Variants in UQCC1 observed in about 807,000 individuals in gnomAD.
The protein encoded by UQCC1 is bFGF-repressed Zic-binding protein.
UQCC1 carries 38 observed loss-of-function variants against 48.0 expected under a neutral mutation model. The observed-to-expected ratio is 0.79, with a 90% confidence interval of 0.61 to 1.04. UQCC1 has a LOEUF of 1.04. UQCC1 is among the 50% of genes least tolerant of loss of function. The probability of loss-of-function intolerance (pLI) is 0.00; values close to 1 mark genes in which losing one functional copy is unlikely to be tolerated. For missense variants in UQCC1, 368 were observed against 381.8 expected, an observed-to-expected ratio of 0.96 and a Z score of 0.30; for synonymous variants, 111 against 129.2, an observed-to-expected ratio of 0.86 and a Z score of 0.95.
In UQCC1 at chr20:35,303,580, G is replaced by A. The variant is rs905760891; in HGVS notation, c.*355C>T. 1.3e-5 allele frequency: 3 copies of A among 232,804 alleles called. No homozygotes were observed. Among genetic ancestry groups the A allele is most frequent in the African/African-American group, 6.6e-5 (3 of 45,682 alleles). 14.4% of individuals were successfully genotyped at this position (232,804 alleles called of 1,614,324 possible). A position where few individuals can be genotyped will look rare whatever the true frequency, so the allele number is the denominator to read the frequency against. The stretch of plus-strand genomic sequence containing the variant: ...TGCTCCTAGGCCACAGCAGGCCCTG[G>A]GGGGTTTCCCTTTTGAACCTACACC... On this transcript the variant is annotated 3_prime_UTR_variant, in exon 10 of 10. Coordinates refer to ENST00000374385, the MANE Select transcript of UQCC1 (RefSeq NM_018244.5).
At chr20:35,410,945 T>G (rs979817360) in intron 1 of UQCC1, among the ~76,000 whole-genome samples, 1 of 151,846 alleles carries the variant, frequency 6.6e-6, no homozygotes, top group African/African-American at 2.4e-5. Context: ...GGTACCTCAC[T>G]CTGCTAGGCT....
intron 7 of UQCC1, among the ~76,000 whole-genome samples, chr20:35,338,884 A>ATATATATATATATAT (rs1568666124): frequency 5.1e-5 from 3 of 59,272 alleles, no homozygotes; most frequent in East Asian, 2.8e-4. Flanking sequence ...AAAAAAAAAA[A>ATATATATATATATAT]AAAAAAAAAT....
At chr20:35,311,125 A>G (rs1240855262) in intron 8 of UQCC1, among the ~76,000 whole-genome samples, 3 of 152,094 alleles carry the variant, frequency 2.0e-5, no homozygotes, top group African/African-American at 7.2e-5. Context: ...TCAACCCCTC[A>G]TTGTTAGGTA....
At chr20:35,391,288 A>G (rs1212605953) in intron 2 of UQCC1, among the ~76,000 whole-genome samples, 1 of 152,212 alleles carries the variant, frequency 6.6e-6, no homozygotes, top group African/African-American at 2.4e-5. Flanking sequence ...ATAACTGACT[A>G]GTACTCTTCA....
At chr20:35,398,373 A>G (rs2062111815) in intron 1 of UQCC1, among the ~76,000 whole-genome samples, 1 of 152,194 alleles carries the variant, frequency 6.6e-6, no homozygotes, top group African/African-American at 2.4e-5. Context: ...AAATTAACAA[A>G]TGTACCTTGC....
At position 35,378,456 on chromosome 20, in the gene UQCC1, C is replaced by T. The variant is rs543928957; in HGVS notation, c.333+3462G>A. 5.3e-5 allele frequency among the ~76,000 whole-genome samples: 8 copies of T among 152,058 alleles called. No individual in the cohort carries two copies. In the East Asian group the frequency reaches 1.4e-3, roughly 26 times the overall value. ...ACCAGGGTGGCCAGTATGATGAAACCTCATCTCTACTAAAAATACAAAAAT... is the reference window on the plus strand; with the variant it reads ...ACCAGGGTGGCCAGTATGATGAAACTTCATCTCTACTAAAAATACAAAAAT... On this transcript the variant is annotated intron_variant, in intron 4 of 9. Coordinates refer to ENST00000374385, the MANE Select transcript of UQCC1 (RefSeq NM_018244.5).
chr20:35,381,331 A>C (rs980052892), intron 4 of UQCC1, among the ~76,000 whole-genome samples: 1 of 152,194 alleles, frequency 6.6e-6, no homozygotes, highest in African/African-American at 2.4e-5. Context: ...GAATGTTGCC[A>C]ATCAGAACAT....
In UQCC1 at chr20:35,318,474, C is replaced by T. The variant is rs149598629; in HGVS notation, c.574-3709G>A. On this transcript the variant is annotated intron_variant, in intron 7 of 9. Transcript: ENST00000374385. Reference sequence around the variant, plus strand: ...ACACATTTTCTCCTCTTGGGATACACCTGCATTCTGGTTGGCTACTGCCCA... The same window carrying T: ...ACACATTTTCTCCTCTTGGGATACATCTGCATTCTGGTTGGCTACTGCCCA... Among the ~76,000 whole-genome samples the T allele has an allele frequency of 7.2e-5, 11 of 152,336 alleles. No individual in the cohort carries two copies. In the East Asian group the frequency reaches 2.1e-3, roughly 29 times the overall value.
chr20:35,386,229 CA>C (rs751779736), intron 2 of UQCC1: 44,267 of 294,066 alleles, frequency 0.15, 42 homozygotes, highest in South Asian at 0.25. Context: ...ATAATTCTGG[CA>C]AAAAAAAAAA....
At chr20:35,324,039 G>A (rs969245577) in intron 7 of UQCC1, among the ~76,000 whole-genome samples, 3 of 152,216 alleles carry the variant, frequency 2.0e-5, no homozygotes, top group African/African-American at 7.2e-5. Flanking sequence ...AGAACTGCTT[G>A]AGGCCAAGAA....
intron 8 of UQCC1, among the ~76,000 whole-genome samples, chr20:35,310,779 A>C (rs1600852021): frequency 7.9e-5 from 9 of 113,806 alleles, no homozygotes; most frequent in African/African-American, 1.4e-4. Context: ...TGCAAGCTCC[A>C]CCTCCTGGGT....
At chr20:35,357,287 G>GTAACCCC (rs1404933310) in intron 6 of UQCC1, among the ~76,000 whole-genome samples, 4 of 152,198 alleles carry the variant, frequency 2.6e-5, no homozygotes, top group Non-Finnish European at 5.9e-5. Context: ...TTGGGAGGCT[G>GTAACCCC]AGGCAGGCAG....
intron 7 of UQCC1, among the ~76,000 whole-genome samples, chr20:35,341,372 G>T (rs2061377080): frequency 6.6e-6 from 1 of 152,072 alleles, no homozygotes; most frequent in Admixed American, 6.6e-5. Context: ...TGGGGGAAAC[G>T]ATTTATTTCC....
At chr20:35,374,363 T>C in intron 4 of UQCC1, 107 bp from the exon 5 acceptor site, 1 of 761,036 alleles carries the variant, frequency 1.3e-6, no homozygotes, top group African/African-American at 1.8e-5. Context: ...GAAGGAAGGG[T>C]CCAAACCACT....
At chr20:35,333,741 TAA>T (rs749195703) in intron 7 of UQCC1, among the ~76,000 whole-genome samples, 3 of 152,196 alleles carry the variant, frequency 2.0e-5, no homozygotes, top group Non-Finnish European at 2.9e-5. Context: ...GCCAATATTT[TAA>T]GAGTGCAGAA....
intron 4 of UQCC1, among the ~76,000 whole-genome samples, chr20:35,379,625 G>A (rs1357586992): frequency 6.6e-6 from 1 of 152,144 alleles, no homozygotes; most frequent in Non-Finnish European, 1.5e-5. Flanking sequence ...GCCCAACATG[G>A]TGAAACCCCA....
At chr20:35,393,500 AC>A (rs1257687438) in intron 2 of UQCC1, among the ~76,000 whole-genome samples, 3 of 85,136 alleles carry the variant, frequency 3.5e-5, no homozygotes, top group Admixed American at 1.4e-4. Flanking sequence ...ACAAACACAC[AC>A]AAACACACAC....
intron 1 of UQCC1, among the ~76,000 whole-genome samples, chr20:35,404,318 C>A (rs1348329446): frequency 6.9e-6 from 1 of 144,314 alleles, no homozygotes; most frequent in African/African-American, 2.6e-5. Context: ...TGCAGTGAGC[C>A]GAGATTGCAC....
chr20:35,347,385 A>G, intron 6 of UQCC1, 113 bp from the exon 7 acceptor site: 1 of 1,281,794 alleles, frequency 7.8e-7, no homozygotes, highest in Non-Finnish European at 1.1e-6. Context: ...ACCAAATCAA[A>G]CTGGAAGTGA....
Sources: gnomAD v4.1 joint callset for allele counts (sites outside exome capture counted in the v4.1 genomes callset) on GRCh38, gnomAD v4.1.1 for gene constraint, MANE v1.5 for transcripts, NCBI Gene and HGNC (gene_info 2026-07-23, HGNC 2026-07-21) for gene names.